KCTD2: variants seen among roughly 807,000 people sequenced by gnomAD.
The protein encoded by KCTD2 is potassium channel tetramerization domain containing 2, also known as BTB/POZ domain-containing protein KCTD2.
A neutral mutation model predicts 27.9 loss-of-function variants in KCTD2; 18 were observed. That is an observed-to-expected ratio of 0.64 (90% confidence interval 0.45 to 0.96). The LOEUF is 0.96. Ranked by LOEUF, KCTD2 falls within the 40% of genes least tolerant of loss-of-function variation. The pLI is 0.00. For synonymous variants in KCTD2, 175 were observed against 148.4 expected, an observed-to-expected ratio of 1.18 and a Z score of -1.30; for missense variants, 280 against 348.0, an observed-to-expected ratio of 0.80 and a Z score of 1.56.
At chr17:75,037,294 A>C (rs987458666) in intron 3 of KCTD2, among the ~76,000 whole-genome samples, 1 of 151,688 alleles carries the variant, frequency 6.6e-6, no homozygotes, top group Non-Finnish European at 1.5e-5. Context: ...CAATGAGCAG[A>C]AATCGTGCCA....
At chr17:75,057,655 G>A (rs1349556704) in intron 3 of KCTD2, among the ~76,000 whole-genome samples, 7 of 150,946 alleles carry the variant, frequency 4.6e-5, no homozygotes, top group Admixed American at 4.6e-4. Flanking sequence ...TGCCTCCGGG[G>A]TTCAAGCAGT....
chr17:75,051,459 A>G (rs191759446), intron 2 of KCTD2, among the ~76,000 whole-genome samples: 103 of 149,846 alleles, frequency 6.9e-4, no homozygotes, highest in African/African-American at 1.9e-3. Context: ...TAATTTTTTT[A>G]TTTTTGGTAG....
intron 3 of KCTD2, among the ~76,000 whole-genome samples, chr17:75,037,257 T>C (rs551135025): frequency 6.8e-6 from 1 of 147,150 alleles, no homozygotes; most frequent in Admixed American, 7.1e-5. Context: ...GGCAGGAGAA[T>C]GGTGTGAACC....
chr17:75,056,779 G>C (rs184574135), intron 3 of KCTD2, among the ~76,000 whole-genome samples: 1 of 151,758 alleles, frequency 6.6e-6, no homozygotes, highest in Non-Finnish European at 1.5e-5. Context: ...ATTTTTTTGT[G>C]TGTGGATTTT....
chr17:75,036,637 G>A (rs2040115963), intron 3 of KCTD2, among the ~76,000 whole-genome samples: 1 of 152,190 alleles, frequency 6.6e-6, no homozygotes, highest in African/African-American at 2.4e-5. Context: ...ACCTTCACGG[G>A]GCTCAGCGGT....
At chr17:75,047,628 C>A (rs751621842) in intron 1 of KCTD2, 39 bp downstream of exon 1, 20 of 1,576,560 alleles carry the variant, frequency 1.3e-5, no homozygotes, top group East Asian at 1.2e-4. Context: ...GGCCTTCGAA[C>A]CCCCTGGTTT....
chr17:75,037,346 A>G (rs980970415), intron 3 of KCTD2, among the ~76,000 whole-genome samples: 1 of 80,622 alleles, frequency 1.2e-5, no homozygotes, highest in Non-Finnish European at 2.2e-5. Flanking sequence ...TCCATATCAG[A>G]AAAAAAAAAA....
chr17:75,063,058 C>T lies in KCTD2; in HGVS notation c.*11C>T, dbSNP rs759315013. 1.1e-5 allele frequency: 18 copies of T among 1,613,418 alleles called. No individual in the cohort carries two copies. Among genetic ancestry groups the T allele is most frequent in the East Asian group, 6.7e-5 (3 of 44,888 alleles). The stretch of plus-strand genomic sequence containing the variant: ...GGATCGCGGATGTAAACTAAGACCC[C>T]GAAAACTCCAGACCTTCAGGAGAGC... On this transcript the variant is annotated 3_prime_UTR_variant, in exon 6 of 6. Transcript: ENST00000322444.
At chr17:75,062,545 C>G (rs2144944035) in intron 5 of KCTD2, among the ~76,000 whole-genome samples, 1 of 150,872 alleles carries the variant, frequency 6.6e-6, no homozygotes, top group East Asian at 2.2e-4. Context: ...TTTCTGAACT[C>G]AGACTTGGAA....
chr17:75,047,300 G>T lies in KCTD2; in HGVS notation c.50G>T (p.Gly17Val), dbSNP rs2073233290. Residue 17 changes from glycine to valine, a missense_variant, in exon 1 of 6, where the codon GGC becomes GTC. Coordinates refer to ENST00000322444, the MANE Select transcript of KCTD2 (RefSeq NM_015353.3). ...DPAMAGLGGGGGSGVGDGGGP... is the reference protein window; with the variant it reads ...DPAMAGLGGGVGSGVGDGGGP... Reference sequence around the variant, plus strand: ...GCGATGGCGGGGCTGGGAGGGGGCGGCGGGAGTGGGGTGGGCGACGGGGGT... The same window carrying T: ...GCGATGGCGGGGCTGGGAGGGGGCGTCGGGAGTGGGGTGGGCGACGGGGGT... 1 of 1,163,530 alleles carries T rather than the reference G, an allele frequency of 8.6e-7. No homozygotes were observed. Among genetic ancestry groups the T allele is most frequent in the Non-Finnish European group, 1.1e-6 (1 of 939,272 alleles). The allele number at this position is 1,163,530 out of a possible 1,614,324, so 72.1% of individuals were successfully genotyped here. A position where few individuals can be genotyped will look rare whatever the true frequency, so the allele number is the denominator to read the frequency against.
upstream of KCTD2, among the ~76,000 whole-genome samples, chr17:75,044,124 AAG>A (rs1418910361): frequency 3.9e-4 from 59 of 149,606 alleles, no homozygotes; most frequent in Non-Finnish European, 5.9e-5. Context: ...TCCCAGGCTC[AAG>A]CGATTCTCCT....
chr17:75,062,045 G>C, intron 4 of KCTD2, 75 bp from the exon 5 acceptor site: 1 of 1,538,136 alleles, frequency 6.5e-7, no homozygotes, highest in East Asian at 2.3e-5. Flanking sequence ...GTCGGAAGAG[G>C]GGTGATTTGT....
At chr17:75,035,967 ACTC>A (rs2040111379) in intron 3 of KCTD2, 1 of 433,890 alleles carries the variant, frequency 2.3e-6, no homozygotes, top group African/African-American at 2.0e-5. Context: ...CCACCCCACT[ACTC>A]TGTGCTTGGA....
At chr17:75,055,831 C>T (rs1423509932) in intron 3 of KCTD2, among the ~76,000 whole-genome samples, 3 of 144,686 alleles carry the variant, frequency 2.1e-5, no homozygotes, top group Non-Finnish European at 4.5e-5. Flanking sequence ...AAACTCCCAT[C>T]TAAAAAAAAA....
upstream of KCTD2, among the ~76,000 whole-genome samples, chr17:75,046,286 G>C (rs960094691): frequency 6.6e-6 from 1 of 152,134 alleles, no homozygotes; most frequent in African/African-American, 2.4e-5. Context: ...GTTTCACTAC[G>C]TTGGCCAGGC....
At position 75,049,249 on chromosome 17, in the gene KCTD2, G is replaced by A. The variant is rs1598121204; in HGVS notation, c.369G>A (p.Arg123=). 3.1e-6 allele frequency: 5 copies of A among 1,613,204 alleles called. No homozygotes were observed. In the African/African-American group the frequency reaches 4.0e-5, roughly 13 times the overall value. Residue 123 remains arginine, a synonymous_variant, in exon 2 of 6, where the codon AGG becomes AGA. Coordinates refer to ENST00000322444, the MANE Select transcript of KCTD2 (RefSeq NM_015353.3). ...KDETGAYLID[R]DPTYFGPILN... ...AGACAGGAGCCTATCTGATTGACAG[G>A]GACCCCACCTACTTTGGTCCTATCC...
chr17:75,061,718 G>C (rs2073405214), intron 4 of KCTD2, among the ~76,000 whole-genome samples: 1 of 152,150 alleles, frequency 6.6e-6, no homozygotes, highest in East Asian at 1.9e-4. Context: ...GCTTTCCAGA[G>C]CCTCCTGTCC....
At chr17:75,060,507 C>T (rs570549825) in intron 4 of KCTD2, 161 of 1,612,356 alleles carry the variant, frequency 1.0e-4, no homozygotes, top group Admixed American at 5.0e-4. Flanking sequence ...GACAACAGCG[C>T]GACAGCCAAG....
chr17:75,061,063 T>A (rs1489089773), intron 4 of KCTD2, among the ~76,000 whole-genome samples: 7 of 152,276 alleles, frequency 4.6e-5, no homozygotes, highest in Non-Finnish European at 8.8e-5. Context: ...AGGATTTTTT[T>A]AATGTATTCT....
Sources: gnomAD v4.1 joint callset for allele counts (sites outside exome capture counted in the v4.1 genomes callset) on GRCh38, gnomAD v4.1.1 for gene constraint, MANE v1.5 for transcripts, NCBI Gene and HGNC (gene_info 2026-07-23, HGNC 2026-07-21) for gene names.